The following CGGBP1 variants were observed in gnomAD, a reference collection of about 807,000 sequenced individuals.
The protein encoded by CGGBP1 is CGG triplet repeat binding protein 1, also known as CGG triplet repeat-binding protein 1.
A neutral mutation model predicts 11.4 loss-of-function variants in CGGBP1; 4 were observed. The observed-to-expected ratio is 0.35, with a 90% CI of 0.17 to 0.80. The LOEUF is 0.80. Ranked by LOEUF, CGGBP1 falls within the 30% of genes least tolerant of loss-of-function variation. CGGBP1 has a pLI of 0.52. For synonymous variants in CGGBP1, 76 were observed against 74.1 expected, an observed-to-expected ratio of 1.03 and a Z score of -0.13; for missense variants, 135 against 202.1, an observed-to-expected ratio of 0.67 and a Z score of 2.01.
chr3:88,134,103 T>TAA (rs749235741), intron 2 of CGGBP1, among the ~76,000 whole-genome samples: 5 of 142,362 alleles, frequency 3.5e-5, no homozygotes, highest in East Asian at 2.0e-4. Flanking sequence ...GAGTGTGAGT[T>TAA]AAAAAAAAAA....
In CGGBP1 at chr3:88,055,382, A is replaced by T; in HGVS notation, c.*91T>A. ...AAACTATTCTGCGTCACATGATTTT[A>T]AATGAAATAAATACAAAAATGAACC... On this transcript the variant is annotated 3_prime_UTR_variant, in exon 4 of 4. Transcript: ENST00000482016. The surrounding 1 kb of genome is among the most constrained non-coding windows in gnomAD (Gnocchi z 4.2). 8.0e-7 allele frequency: 1 copy of T among 1,255,364 alleles called. No individual in the cohort carries two copies. Among genetic ancestry groups the T allele is most frequent in the Non-Finnish European group, 1.1e-6 (1 of 918,456 alleles). 77.8% of individuals were successfully genotyped at this position (1,255,364 alleles called of 1,614,324 possible). A position where few individuals can be genotyped will look rare whatever the true frequency, so the allele number is the denominator to read the frequency against.
chr3:88,081,988 A>G lies in CGGBP1; in HGVS notation c.-228-23765T>C, dbSNP rs376855743. ...TAATGTGTTTTAAAACATTTTAGGT[A>G]TTTAGAAAATTAGCAAACTTATCAA... On this transcript the variant is annotated intron_variant, in intron 2 of 3. Transcript: ENST00000462901. Among the ~76,000 whole-genome samples the G allele has an allele frequency of 1.4e-4, 22 of 152,314 alleles. No homozygotes were observed. The East Asian group carries it at 3.9e-3, about 27-fold the overall frequency.
intron 2 of CGGBP1, among the ~76,000 whole-genome samples, chr3:88,079,402 A>G (rs1348055634): frequency 6.6e-6 from 1 of 152,130 alleles, no homozygotes; most frequent in African/African-American, 2.4e-5. Context: ...GATGTATGTG[A>G]TAGCTGCCTT....
At chr3:88,059,430 A>AGGCGGCGCTGGCAGC (rs1310579712), upstream of CGGBP1, 3 of 1,522,504 alleles carry the variant, frequency 2.0e-6, no homozygotes, top group Non-Finnish European at 1.8e-6. Flanking sequence ...GCGACGGCAG[A>AGGCGGCGCTGGCAGC]GGCGGCGCTG....
chr3:88,089,095 A>G (rs1331375132), intron 2 of CGGBP1, among the ~76,000 whole-genome samples: 1 of 151,726 alleles, frequency 6.6e-6, no homozygotes, highest in Non-Finnish European at 1.5e-5. Context: ...TATTAAAAAA[A>G]TTATATTTAT....
intron 2 of CGGBP1, among the ~76,000 whole-genome samples, chr3:88,107,902 AAT>A (rs1704841814): frequency 6.6e-6 from 1 of 152,118 alleles, no homozygotes; most frequent in African/African-American, 2.4e-5. Context: ...GTATGATTTT[AAT>A]AAAGTCTCTG....
intron 1 of CGGBP1, chr3:88,141,930 TATATG>T: frequency 3.4e-6 from 1 of 292,648 alleles, no homozygotes; most frequent in Admixed American, 4.9e-5. Flanking sequence ...CAGTTTCGCT[TATATG>T]AGAAACATGT....
At chr3:88,079,079 A>G (rs1416164862) in intron 2 of CGGBP1, among the ~76,000 whole-genome samples, 2 of 152,104 alleles carry the variant, frequency 1.3e-5, no homozygotes, top group Non-Finnish European at 2.9e-5. Context: ...ACCGTAAAAA[A>G]TCAACTATAA....
intron 1 of CGGBP1, among the ~76,000 whole-genome samples, chr3:88,141,252 A>G (rs1707112038): frequency 6.6e-6 from 1 of 152,140 alleles, no homozygotes; most frequent in East Asian, 1.9e-4. Flanking sequence ...AGCAACTGAA[A>G]TTCACAAGTA....
At chr3:88,087,215 C>T (rs1475705063) in intron 2 of CGGBP1, among the ~76,000 whole-genome samples, 2 of 151,916 alleles carry the variant, frequency 1.3e-5, no homozygotes, top group Non-Finnish European at 2.9e-5. Context: ...GTACTTGGGA[C>T]CACAGGTGTG....
At chr3:88,082,101 T>C (rs1708106737) in intron 2 of CGGBP1, among the ~76,000 whole-genome samples, 4 of 152,028 alleles carry the variant, frequency 2.6e-5, no homozygotes, top group Admixed American at 2.6e-4. Flanking sequence ...GGAGGGTAAT[T>C]GTGACACGTC....
intron 1 of CGGBP1, among the ~76,000 whole-genome samples, chr3:88,148,956 CAA>C (rs1452240365): frequency 2.0e-5 from 3 of 152,052 alleles, no homozygotes; most frequent in Non-Finnish European, 4.4e-5. Flanking sequence ...ATATTTTAAA[CAA>C]AGTTAAATTT....
chr3:88,059,290 G>A (rs1344182411), upstream of CGGBP1: 1 of 1,531,856 alleles, frequency 6.5e-7, no homozygotes, highest in Non-Finnish European at 8.7e-7. Flanking sequence ...GCGGCGCAGG[G>A]GCTGGTACGC....
chr3:88,057,051 G>T (rs184912323), intron 3 of CGGBP1, 140 bp downstream of exon 3: 1 of 152,272 alleles, frequency 6.6e-6, no homozygotes, highest in East Asian at 1.9e-4. Context: ...CAAGACTTAA[G>T]AAGTTAAAGT....
At chr3:88,104,006 C>T (rs960613425) in intron 2 of CGGBP1, among the ~76,000 whole-genome samples, 13 of 151,984 alleles carry the variant, frequency 8.6e-5, no homozygotes, top group African/African-American at 2.9e-4. Flanking sequence ...AGGCGATCCA[C>T]CTGCCTCGGC....
At chr3:88,069,378 C>T (rs753722159) in intron 2 of CGGBP1, among the ~76,000 whole-genome samples, 26 of 152,144 alleles carry the variant, frequency 1.7e-4, no homozygotes, top group Middle Eastern at 3.4e-3. Context: ...GTCTAGATGG[C>T]GCCGCTGCAC....
At chr3:88,058,674 C>T (rs553110237) in intron 1 of CGGBP1, 141 bp downstream of exon 1, 2 of 152,398 alleles carry the variant, frequency 1.3e-5, no homozygotes, top group Non-Finnish European at 2.9e-5. Context: ...CGCTGTCAAG[C>T]TTCCCGTCTC....
chr3:88,133,023 C>T (rs1384478848), intron 2 of CGGBP1, among the ~76,000 whole-genome samples: 3 of 152,154 alleles, frequency 2.0e-5, no homozygotes, highest in African/African-American at 7.2e-5. Context: ...AAATCTGTTT[C>T]TTTTCTGTCA....
intron 2 of CGGBP1, among the ~76,000 whole-genome samples, chr3:88,070,418 G>C (rs1707436941): frequency 6.6e-6 from 1 of 151,446 alleles, no homozygotes; most frequent in Non-Finnish European, 1.5e-5. Flanking sequence ...TTGGTGAGCA[G>C]ATCCAAATTT....
Sources: gnomAD v4.1 joint callset for allele counts (sites outside exome capture counted in the v4.1 genomes callset) on GRCh38, gnomAD v4.1.1 for gene constraint, Gnocchi (gnomAD v3.1) non-coding constraint, MANE v1.5 for transcripts, NCBI Gene and HGNC (gene_info 2026-07-23, HGNC 2026-07-21) for gene names.